GABRG3: variants seen among roughly 807,000 people sequenced by gnomAD.
GABRG3 encodes the protein gamma-aminobutyric acid type A receptor subunit gamma3, also known as gamma-aminobutyric acid receptor subunit gamma-3.
Under a neutral mutation model 48.8 loss-of-function variants are expected in GABRG3, and 25 were observed. The ratio of observed to expected loss-of-function variants is 0.51; its 90% confidence interval spans 0.37 to 0.72. The LOEUF is 0.72. GABRG3 is among the 30% of genes least tolerant of loss of function. The probability of loss-of-function intolerance (pLI) is 0.00; values close to 1 mark genes in which losing one functional copy is unlikely to be tolerated. For missense variants in GABRG3, 394 were observed against 577.9 expected, an observed-to-expected ratio of 0.68 and a Z score of 3.26; for synonymous variants, 227 against 217.6, an observed-to-expected ratio of 1.04 and a Z score of -0.38.
At position 27,281,400 on chromosome 15, in the gene GABRG3, C is replaced by A. The variant is rs576592430; in HGVS notation, c.271-45409C>A. ...ATAAATAGACTTCATCTTTTCAGGA[C>A]AATTTTAGATATACAGAAAAATTGA... On this transcript the variant is annotated intron_variant, in intron 3 of 9. Transcript: ENST00000615808. 1.7e-3 allele frequency among the ~76,000 whole-genome samples: 252 copies of A among 151,000 alleles called. 1 individual carries two copies. The highest frequency in any genetic ancestry group is 5.3e-3 in the African/African-American group (220 of 41,212).
intron 3 of GABRG3, among the ~76,000 whole-genome samples, chr15:27,268,610 A>T (rs964646162): frequency 2.6e-5 from 4 of 152,104 alleles, no homozygotes; most frequent in Admixed American, 2.0e-4. Flanking sequence ...TTAAGGTGAA[A>T]GCTGAGGTGA....
At chr15:27,458,277 C>T (rs1889345902) in intron 5 of GABRG3, among the ~76,000 whole-genome samples, 1 of 152,214 alleles carries the variant, frequency 6.6e-6, no homozygotes, top group Admixed American at 6.5e-5. Context: ...GACATCGCTC[C>T]ATCCTCATAA....
At chr15:27,226,287 G>A (rs1395959429) in intron 3 of GABRG3, among the ~76,000 whole-genome samples, 1 of 152,166 alleles carries the variant, frequency 6.6e-6, no homozygotes, top group Non-Finnish European at 1.5e-5. Flanking sequence ...GAACTCAAGG[G>A]ACAGGCTCGG....
At chr15:27,224,102 G>A (rs1889536588) in intron 3 of GABRG3, among the ~76,000 whole-genome samples, 1 of 152,180 alleles carries the variant, frequency 6.6e-6, no homozygotes, top group African/African-American at 2.4e-5. Flanking sequence ...GGAAGCCGTG[G>A]ACTGAGCTCC....
At position 27,108,830 on chromosome 15, in the gene GABRG3, C is replaced by T. The variant is rs146188824; in HGVS notation, c.270+82009C>T. Among the ~76,000 whole-genome samples, 193 of 152,120 alleles carry T rather than the reference C, an allele frequency of 1.3e-3. 1 individual carries two copies. The highest frequency in any genetic ancestry group is 4.1e-3 in the African/African-American group (172 of 41,496). On this transcript the variant is annotated intron_variant, in intron 3 of 9. Coordinates refer to ENST00000615808, the MANE Select transcript of GABRG3 (RefSeq NM_033223.5). ...CCTTTATCATGATGGAATGATCCTC[C>T]TCATTTCTAATAATTTTTTTTGTTC...
At chr15:27,270,358 G>A (rs372445930) in intron 3 of GABRG3, among the ~76,000 whole-genome samples, 15 of 152,252 alleles carry the variant, frequency 9.9e-5, no homozygotes, top group African/African-American at 3.4e-4. Context: ...GAGCTTGACC[G>A]TGCCAGTTTG....
intron 3 of GABRG3, among the ~76,000 whole-genome samples, chr15:27,272,603 A>G (rs1182670116): frequency 6.6e-6 from 1 of 152,220 alleles, no homozygotes; most frequent in East Asian, 1.9e-4. Context: ...ATCCACACCA[A>G]GACAAGAGTT....
At chr15:27,304,018 A>G (rs1455235721) in intron 3 of GABRG3, among the ~76,000 whole-genome samples, 3 of 151,980 alleles carry the variant, frequency 2.0e-5, no homozygotes, top group Non-Finnish European at 4.4e-5. Context: ...AACAGAAAAA[A>G]CATTTGACAA....
Position 27,539,849 on chromosome 15 carries a change from C to A in GABRG3, c.*6968C>A, listed in dbSNP as rs1891627401. On this transcript the variant is annotated 3_prime_UTR_variant, in exon 10 of 10. Coordinates refer to ENST00000615808, the MANE Select transcript of GABRG3 (RefSeq NM_033223.5). The stretch of plus-strand genomic sequence containing the variant: ...ATTCTTAAGCAATTAAAGACTCCTT[C>A]CAATGTAATTAAAAAATAAGTAATG... 6.6e-6 allele frequency: 1 copy of A among 152,176 alleles called. No individual in the cohort carries two copies. The allele number at this position is 152,176 out of a possible 1,614,324, so 9.4% of individuals were successfully genotyped here. A position where few individuals can be genotyped will look rare whatever the true frequency, so the allele number is the denominator to read the frequency against.
chr15:27,042,474 C>T (rs1896293564), intron 3 of GABRG3, among the ~76,000 whole-genome samples: 2 of 152,224 alleles, frequency 1.3e-5, no homozygotes, highest in South Asian at 4.1e-4. Flanking sequence ...CCTGGCGGCC[C>T]TCTGCTGCCA....
rs570160569 is a variant in GABRG3 at position 27,352,671 on chromosome 15, A to C, written c.574+23783A>C. Among the ~76,000 whole-genome samples, 300 of 152,186 alleles carry C rather than the reference A, an allele frequency of 2.0e-3. 1 individual carries two copies. Among genetic ancestry groups the C allele is most frequent in the Admixed American group, 5.7e-3 (87 of 15,304 alleles). ...CTGCCAAGGCAGCAGCCACATACCA[A>C]ACCGTTGGGTGATATCGGTCTTGGT... On this transcript the variant is annotated intron_variant, in intron 5 of 9. Transcript: ENST00000615808. This position sits in a 1 kb window ranked among gnomAD's most constrained non-coding sequence, Gnocchi z 4.0.
intron 3 of GABRG3, among the ~76,000 whole-genome samples, chr15:27,149,211 A>G (rs889787498): frequency 6.6e-6 from 1 of 152,186 alleles, no homozygotes. Context: ...CGCAGTGAAC[A>G]CTGAAAATTA....
intron 3 of GABRG3, among the ~76,000 whole-genome samples, chr15:27,035,453 T>C (rs992633244): frequency 3.3e-5 from 5 of 152,208 alleles, no homozygotes; most frequent in Admixed American, 2.6e-4. Flanking sequence ...ACTTTTGCAC[T>C]TCGATTGGAT....
rs375335953 is a variant in GABRG3 at position 27,497,285 on chromosome 15, C to A, written c.712+16498C>A. Among the ~76,000 whole-genome samples, 186 of 152,266 alleles carry A rather than the reference C, an allele frequency of 1.2e-3. 3 individuals carry two copies. The South Asian group carries it at 0.038, about 31-fold the overall frequency. ...ATAATACTTCCTTCCTCTCTGAGTT[C>A]TTAACTTGGGTGGGATTTATTTTTA... On this transcript the variant is annotated intron_variant, in intron 6 of 9. Transcript: ENST00000615808.
chr15:27,167,118 C>T (rs1424809486), intron 3 of GABRG3, among the ~76,000 whole-genome samples: 1 of 152,158 alleles, frequency 6.6e-6, no homozygotes, highest in African/African-American at 2.4e-5. Context: ...GGCTACTGCA[C>T]ACCGAAAGCT....
At chr15:27,529,399 T>C (rs1891361106) in intron 9 of GABRG3, among the ~76,000 whole-genome samples, 1 of 152,228 alleles carries the variant, frequency 6.6e-6, no homozygotes. Flanking sequence ...TTTATTCCTT[T>C]ATACATATGT....
chr15:27,011,495 A>G (rs1341715133), intron 2 of GABRG3, among the ~76,000 whole-genome samples: 1 of 151,990 alleles, frequency 6.6e-6, no homozygotes, highest in Non-Finnish European at 1.5e-5. Flanking sequence ...CCCCAACCTC[A>G]TGTATTAAAA....
At chr15:27,316,434 A>G (rs1486845669) in intron 3 of GABRG3, among the ~76,000 whole-genome samples, 1 of 151,782 alleles carries the variant, frequency 6.6e-6, no homozygotes, top group Non-Finnish European at 1.5e-5. Flanking sequence ...ACTGTCTTCA[A>G]GTTGAAAAGA....
chr15:27,021,720 G>A (rs1895899350), intron 2 of GABRG3, among the ~76,000 whole-genome samples: 1 of 152,138 alleles, frequency 6.6e-6, no homozygotes, highest in Admixed American at 6.5e-5. Flanking sequence ...GTGTGTGCCT[G>A]TAGTCCTAGT....
Sources: gnomAD v4.1 joint callset for allele counts (sites outside exome capture counted in the v4.1 genomes callset) on GRCh38, gnomAD v4.1.1 for gene constraint, Gnocchi (gnomAD v3.1) non-coding constraint, MANE v1.5 for transcripts, NCBI Gene and HGNC (gene_info 2026-07-23, HGNC 2026-07-21) for gene names.